The following PMFBP1 variants were observed in gnomAD, a reference collection of about 807,000 sequenced individuals.
PMFBP1 encodes polyamine modulated factor 1 binding protein 1, also known as polyamine-modulated factor 1-binding protein 1.
Under a neutral mutation model 137.8 loss-of-function variants are expected in PMFBP1, and 131 were observed. The observed-to-expected ratio is 0.95, with a 90% confidence interval of 0.82 to 1.10. The LOEUF is 1.10. Among genes scored for constraint, PMFBP1 ranks in the 50% least tolerant of loss-of-function variants. The pLI is 0.00. For missense variants in PMFBP1, 1,199 were observed against 1,175.4 expected, an observed-to-expected ratio of 1.02 and a Z score of -0.29; for synonymous variants, 490 against 450.4, an observed-to-expected ratio of 1.09 and a Z score of -1.11.
the PMFBP1 span, among the ~76,000 whole-genome samples, chr16:72,195,248 G>T: frequency 2.0e-5 from 3 of 152,184 alleles, no homozygotes; most frequent in Non-Finnish European, 4.4e-5. Flanking sequence ...AGATTGTCCT[G>T]TTGGGCTGGT....
chr16:72,130,883 T>C (rs2042540420), intron 10 of PMFBP1, among the ~76,000 whole-genome samples, 161 bp from the exon 11 acceptor site: 1 of 152,162 alleles, frequency 6.6e-6, no homozygotes, highest in East Asian at 1.9e-4. Context: ...AAGAGCTCTA[T>C]TAAATTATCT....
the PMFBP1 span, among the ~76,000 whole-genome samples, chr16:72,216,731 T>C: frequency 6.6e-6 from 1 of 152,170 alleles, no homozygotes; most frequent in Non-Finnish European, 1.5e-5. Flanking sequence ...CAGCAGAGCA[T>C]AAATGACAAA....
At chr16:72,227,369 G>A in the PMFBP1 span, among the ~76,000 whole-genome samples, 3 of 152,170 alleles carry the variant, frequency 2.0e-5, no homozygotes, top group East Asian at 1.9e-4. Flanking sequence ...ATAACTTTTT[G>A]TTATGCTTCC....
At position 72,154,100 on chromosome 16, in the gene PMFBP1, C is replaced by T. The variant is rs561995071; in HGVS notation, c.414+111G>A. ...AGGGGGAAGGTTTATAAAACCTGCTCGGGATGTTGCAAAGCTCTCCTAAGT... is the reference window on the plus strand; with the variant it reads ...AGGGGGAAGGTTTATAAAACCTGCTTGGGATGTTGCAAAGCTCTCCTAAGT... On this transcript the variant is annotated intron_variant, in intron 4 of 20. Transcript: ENST00000237353. The T allele has an allele frequency of 3.7e-4, 523 of 1,400,892 alleles. 1 individual carries two copies. Among genetic ancestry groups the T allele is most frequent in the Non-Finnish European group, 4.4e-4 (459 of 1,037,796 alleles). 86.8% of individuals were successfully genotyped at this position (1,400,892 alleles called of 1,614,324 possible). A position where few individuals can be genotyped will look rare whatever the true frequency, so the allele number is the denominator to read the frequency against.
chr16:72,133,556 G>A (rs867614032), intron 9 of PMFBP1, among the ~76,000 whole-genome samples: 13 of 152,204 alleles, frequency 8.5e-5, no homozygotes, highest in Middle Eastern at 6.8e-3. Flanking sequence ...TGGCACGATC[G>A]TAGCTCAATG....
Position 72,154,357 on chromosome 16 carries a change from A to AT in PMFBP1, c.267dup (p.Leu90IlefsTer49). On this transcript the variant is annotated frameshift_variant, in exon 4 of 21. Transcript: ENST00000237353. LOFTEE classifies it high-confidence loss of function. ...TCCAGTTCTTGTTGAAGGACCAGCA[A>AT]TTTTTTCTTCAGTTGCTGGAGTTGT... The AT allele has an allele frequency of 1.2e-6, 2 of 1,614,092 alleles. No individual in the cohort carries two copies. The highest frequency in any genetic ancestry group is 1.7e-6 in the Non-Finnish European group (2 of 1,180,020).
the PMFBP1 span, among the ~76,000 whole-genome samples, chr16:72,192,901 C>CAA: frequency 7.0e-3 from 594 of 85,226 alleles, 4 homozygotes; most frequent in Non-Finnish European, 9.7e-3. Context: ...GTCTCTGTCT[C>CAA]AAAAAAAAAA....
the PMFBP1 span, among the ~76,000 whole-genome samples, chr16:72,226,310 C>T: frequency 6.6e-6 from 1 of 152,130 alleles, no homozygotes; most frequent in African/African-American, 2.4e-5. Context: ...ATTAGCATGG[C>T]CAGTAGCTTT....
chr16:72,247,853 T>C, the PMFBP1 span, among the ~76,000 whole-genome samples: 2 of 152,204 alleles, frequency 1.3e-5, no homozygotes, highest in Admixed American at 6.5e-5. Flanking sequence ...GCAATGGCTA[T>C]GTTTTTGTTT....
At chr16:72,195,852 G>T in the PMFBP1 span, among the ~76,000 whole-genome samples, 1 of 152,216 alleles carries the variant, frequency 6.6e-6, no homozygotes, top group African/African-American at 2.4e-5. Context: ...CCTTTCCTTG[G>T]CTGAGTAGGG....
chr16:72,150,566 AC>A, intron 5 of PMFBP1, 41 bp downstream of exon 5: 1 of 1,585,062 alleles, frequency 6.3e-7, no homozygotes, highest in Non-Finnish European at 8.7e-7. Flanking sequence ...ACCTGGGAGC[AC>A]ATCCACTTGC....
chr16:72,124,189 A>G (rs2042418502), intron 17 of PMFBP1, among the ~76,000 whole-genome samples: 2 of 152,084 alleles, frequency 1.3e-5, no homozygotes, highest in African/African-American at 4.8e-5. Context: ...ATTTAAACTT[A>G]TTGTAGAGAT....
At chr16:72,174,703 G>A (rs1567646278), upstream of PMFBP1, among the ~76,000 whole-genome samples, 1 of 152,206 alleles carries the variant, frequency 6.6e-6, no homozygotes, top group East Asian at 1.9e-4. Flanking sequence ...CAAGGTGGCA[G>A]GAGAGAGAAT....
upstream of PMFBP1, among the ~76,000 whole-genome samples, chr16:72,173,253 G>A (rs1429517153): frequency 6.6e-6 from 1 of 152,222 alleles, no homozygotes; most frequent in African/African-American, 2.4e-5. Context: ...TTCTTTAGGA[G>A]GAACTATGAA....
intron 12 of PMFBP1, among the ~76,000 whole-genome samples, chr16:72,129,856 C>CT (rs948119375): frequency 2.6e-5 from 4 of 151,516 alleles, no homozygotes; most frequent in African/African-American, 9.7e-5. Context: ...TAATCTTTTT[C>CT]TTTTTTTTGA....
chr16:72,140,463 C>T lies in PMFBP1; in HGVS notation c.756G>A (p.Gln252=), dbSNP rs145505337. The T allele has an allele frequency of 4.3e-5, 70 of 1,613,930 alleles. No individual in the cohort carries two copies. The highest frequency in any genetic ancestry group is 6.7e-5 in the Admixed American group (4 of 59,988). ...TTCGAAGTTCTTGAATGAGATCATC[C>T]TGTTGAGAGACCTTTTGCCAGACTT... ...LSEVWQKVSQ[Q]DDLIQELRNK... The change falls in exon 6 of 21, where the codon CAG becomes CAA. Residue 252 remains glutamine, a synonymous_variant. Coordinates refer to ENST00000237353, the MANE Select transcript of PMFBP1 (RefSeq NM_031293.3).
At chr16:72,124,681 C>A in intron 17 of PMFBP1, 86 bp downstream of exon 17, 1 of 1,502,962 alleles carries the variant, frequency 6.7e-7, no homozygotes, top group Non-Finnish European at 9.0e-7. Context: ...CTCCCACCCC[C>A]ACCAAGGGCT....
In PMFBP1 at chr16:72,123,958, A is replaced by G. The variant is rs76248067; in HGVS notation, c.2590-309T>C. Reference sequence around the variant, plus strand: ...CCTAAAAAAGAAGTATGCTAAGCCAATTTTCCAACAGATGGAAGAAAAACA... The same window carrying G: ...CCTAAAAAAGAAGTATGCTAAGCCAGTTTTCCAACAGATGGAAGAAAAACA... On this transcript the variant is annotated intron_variant, in intron 17 of 20. Transcript: ENST00000237353. Among the ~76,000 whole-genome samples, 138 of 152,332 alleles carry G rather than the reference A, an allele frequency of 9.1e-4. 1 individual carries two copies. In the East Asian group the frequency reaches 0.025, roughly 28 times the overall value.
intron 19 of PMFBP1, among the ~76,000 whole-genome samples, chr16:72,121,313 A>AG (rs1465919265): frequency 5.3e-5 from 8 of 151,990 alleles, no homozygotes; most frequent in African/African-American, 1.5e-4. Flanking sequence ...GGGTCTGGAG[A>AG]GGGGGTCTCA....
Sources: gnomAD v4.1 joint callset for allele counts (sites outside exome capture counted in the v4.1 genomes callset) on GRCh38, gnomAD v4.1.1 for gene constraint, MANE v1.5 for transcripts, NCBI Gene and HGNC (gene_info 2026-07-23, HGNC 2026-07-21) for gene names.